Variants in MRPS27 observed in about 807,000 individuals in gnomAD.
MRPS27 encodes the protein mitochondrial ribosomal protein S27, also known as small ribosomal subunit protein mS27.
A neutral mutation model predicts 48.9 loss-of-function variants in MRPS27; 43 were observed. The ratio of observed to expected loss-of-function variants is 0.88; its 90% CI spans 0.69 to 1.13. The LOEUF is 1.13. Ranked by LOEUF, MRPS27 falls within the 50% of genes most tolerant of loss-of-function variation. The probability of loss-of-function intolerance (pLI) is 0.00; values close to 1 mark genes in which losing one functional copy is unlikely to be tolerated. For missense variants in MRPS27, 467 were observed against 476.3 expected, an observed-to-expected ratio of 0.98 and a Z score of 0.18; for synonymous variants, 188 against 171.9, an observed-to-expected ratio of 1.09 and a Z score of -0.73.
chr5:72,306,795 T>C, intron 2 of MRPS27, among the ~76,000 whole-genome samples: 1 of 152,238 alleles, frequency 6.6e-6, no homozygotes, highest in Non-Finnish European at 1.5e-5. Context: ...AAAGTACATA[T>C]AAAAAAACCC....
At chr5:72,294,476 G>C (rs1186791029) in intron 4 of MRPS27, 1 of 152,110 alleles carries the variant, frequency 6.6e-6, no homozygotes, top group Non-Finnish European at 1.5e-5. Flanking sequence ...ATAGGAACTG[G>C]AACAAATCAC....
intron 4 of MRPS27, among the ~76,000 whole-genome samples, chr5:72,290,594 A>C (rs189000520): frequency 6.6e-6 from 1 of 152,296 alleles, no homozygotes; most frequent in East Asian, 1.9e-4. Context: ...TCTATGTTTT[A>C]GTCTCTGCAT....
At chr5:72,256,193 C>A (rs1247561030) in intron 4 of MRPS27, among the ~76,000 whole-genome samples, 3 of 152,302 alleles carry the variant, frequency 2.0e-5, no homozygotes, top group African/African-American at 7.2e-5. Flanking sequence ...AAGGTTACCA[C>A]AAATGTGTAT....
chr5:72,248,292 A>C (rs1247798590), intron 4 of MRPS27, among the ~76,000 whole-genome samples: 2 of 152,216 alleles, frequency 1.3e-5, no homozygotes, highest in Admixed American at 6.5e-5. Flanking sequence ...AATTCCTTTT[A>C]ATAGGATGAC....
At chr5:72,318,984 A>G (rs1651893768) in intron 1 of MRPS27, among the ~76,000 whole-genome samples, 1 of 152,216 alleles carries the variant, frequency 6.6e-6, no homozygotes, top group African/African-American at 2.4e-5. Flanking sequence ...TCAGCCACTT[A>G]ATCTTCAGAA....
At chr5:72,287,188 CAT>C (rs1462091674) in intron 4 of MRPS27, among the ~76,000 whole-genome samples, 1 of 152,014 alleles carries the variant, frequency 6.6e-6, no homozygotes, top group African/African-American at 2.4e-5. Flanking sequence ...GGAACAGTTT[CAT>C]CCCCAAACCA....
intron 4 of MRPS27, among the ~76,000 whole-genome samples, chr5:72,262,264 T>TG (rs983237147): frequency 6.6e-6 from 1 of 152,136 alleles, no homozygotes; most frequent in Non-Finnish European, 1.5e-5. Context: ...AAGGGCTGTG[T>TG]GGGGACTCAA....
chr5:72,282,166 C>G (rs1749550263), intron 4 of MRPS27, among the ~76,000 whole-genome samples: 1 of 152,190 alleles, frequency 6.6e-6, no homozygotes, highest in African/African-American at 2.4e-5. Flanking sequence ...TCAAATACTT[C>G]TAGCTCCTCA....
At chr5:72,276,665 A>C (rs551238295) in intron 4 of MRPS27, among the ~76,000 whole-genome samples, 17 of 152,212 alleles carry the variant, frequency 1.1e-4, no homozygotes, top group South Asian at 6.2e-4. Context: ...CAACCTATCC[A>C]TCTGACAAAG....
intron 4 of MRPS27, among the ~76,000 whole-genome samples, chr5:72,239,490 T>C (rs1223787056): frequency 2.0e-5 from 3 of 152,172 alleles, no homozygotes; most frequent in Non-Finnish European, 1.5e-5. Flanking sequence ...TATTTTTCTC[T>C]ACAAATTAGC....
At chr5:72,283,390 G>GA (rs1341976776) in intron 4 of MRPS27, among the ~76,000 whole-genome samples, 2 of 151,824 alleles carry the variant, frequency 1.3e-5, no homozygotes, top group Admixed American at 6.6e-5. Flanking sequence ...AACTGCTTAG[G>GA]AAAAAAAACT....
In MRPS27 at chr5:72,314,082, A is replaced by G. The variant is rs1580122057; in HGVS notation, c.150T>C (p.Leu50=). 6.2e-7 allele frequency: 1 copy of G among 1,611,510 alleles called. No individual in the cohort carries two copies. Among genetic ancestry groups the G allele is most frequent in the Non-Finnish European group, 8.5e-7 (1 of 1,178,112 alleles). Residue 50 remains leucine (L), a splice_region_variant and synonymous_variant, in exon 2 of 11, where the codon CTT becomes CTC. Coordinates refer to ENST00000261413, the MANE Select transcript of MRPS27 (RefSeq NM_015084.3). ...WEAREKEHYC[L]ADLASLMDKT... ...TATAATAGTCCAATAGGTACCTACC[A>G]AGACAGTAATGTTCTTTTTCTCTTG...
At chr5:72,286,390 T>C (rs906961642) in intron 4 of MRPS27, among the ~76,000 whole-genome samples, 2 of 152,308 alleles carry the variant, frequency 1.3e-5, no homozygotes, top group Non-Finnish European at 2.9e-5. Context: ...GGCATTAAAA[T>C]AGATAATAGA....
At chr5:72,284,192 T>C (rs1184711222) in intron 4 of MRPS27, among the ~76,000 whole-genome samples, 1 of 151,116 alleles carries the variant, frequency 6.6e-6, no homozygotes, top group African/African-American at 2.4e-5. Flanking sequence ...GCAGGTGGAT[T>C]GCTTGAGTCC....
intron 4 of MRPS27, among the ~76,000 whole-genome samples, chr5:72,288,015 T>C (rs1467901158): frequency 6.6e-6 from 1 of 152,120 alleles, no homozygotes; most frequent in African/African-American, 2.4e-5. Context: ...CAGAGGTACA[T>C]AGTTAGCACA....
chr5:72,271,496 T>C lies in MRPS27; in HGVS notation c.281+24035A>G, dbSNP rs532393277. On this transcript the variant is annotated intron_variant, in intron 4 of 10. Transcript: ENST00000261413. ...CTTAAAAAACAAGAGTTAAACCCCG[T>C]TCATGTCAAGAAACACTCACAAATG... Among the ~76,000 whole-genome samples, 42 of 152,210 alleles carry C rather than the reference T, an allele frequency of 2.8e-4. No individual in the cohort carries two copies. In the South Asian group the frequency reaches 7.7e-3, roughly 28 times the overall value.
At chr5:72,239,556 C>T (rs531658478) in intron 4 of MRPS27, among the ~76,000 whole-genome samples, 5 of 152,172 alleles carry the variant, frequency 3.3e-5, no homozygotes, top group East Asian at 1.9e-4. Context: ...ATAAGAGTGA[C>T]GTGGCCAGAG....
At position 72,220,965 on chromosome 5, in the gene MRPS27, T is replaced by C; in HGVS notation, c.1189A>G (p.Arg397Gly). The C allele has an allele frequency of 6.2e-7, 1 of 1,614,188 alleles. No individual in the cohort carries two copies. The highest frequency in any genetic ancestry group is 8.5e-7 in the Non-Finnish European group (1 of 1,180,002). The change falls in exon 11 of 11, where the codon AGG becomes GGG. Residue 397 changes from arginine to glycine, a missense_variant. Transcript: ENST00000261413. ...VQLIQREQQQREQAKQEYQAQ... is the reference protein window; with the variant it reads ...VQLIQREQQQGEQAKQEYQAQ... The stretch of plus-strand genomic sequence containing the variant: ...TGGTACTCCTGCTTCGCTTGCTCCC[T>C]CTGTTGCTGTTCTCTCTGGATCAAC...
rs1433135820 is a variant in MRPS27, at chr5:72,266,625, C to T, written c.282-28497G>A. Among the ~76,000 whole-genome samples the T allele has an allele frequency of 7.2e-5, 11 of 152,192 alleles. 1 individual carries two copies. The highest frequency in any genetic ancestry group is 6.2e-4 in the South Asian group (3 of 4,828). ...CTGTAATCCCAGCACTTTGGGAGGC[C>T]GAGGTGGGCAGATCACGAGGTCAGG... On this transcript the variant is annotated intron_variant, in intron 4 of 10. Transcript: ENST00000261413.
Sources: gnomAD v4.1 joint callset for allele counts (sites outside exome capture counted in the v4.1 genomes callset) on GRCh38, gnomAD v4.1.1 for gene constraint, MANE v1.5 for transcripts, NCBI Gene and HGNC (gene_info 2026-07-23, HGNC 2026-07-21) for gene names.